Variants in SDK2 observed in about 807,000 individuals in gnomAD.
SDK2 encodes protein sidekick-2.
A neutral mutation model predicts 253.9 loss-of-function variants in SDK2; 105 were observed. That is an observed-to-expected ratio of 0.41 (90% confidence interval 0.35 to 0.49). SDK2 has a LOEUF of 0.49. Among genes scored for constraint, SDK2 ranks in the 20% least tolerant of loss-of-function variants. The pLI is 0.06. For missense variants in SDK2, 2,608 were observed against 3,003.0 expected, an observed-to-expected ratio of 0.87 and a Z score of 3.07; for synonymous variants, 1,249 against 1,234.9, an observed-to-expected ratio of 1.01 and a Z score of -0.24.
At chr17:73,626,996 G>A (rs1420620147) in intron 1 of SDK2, among the ~76,000 whole-genome samples, 1 of 152,138 alleles carries the variant, frequency 6.6e-6, no homozygotes, top group East Asian at 1.9e-4. Flanking sequence ...CCGGGGGGGT[G>A]TAAAATCCAA....
At chr17:73,415,770 T>G in intron 17 of SDK2, 41 bp downstream of exon 17, 226 of 1,519,760 alleles carry the variant, frequency 1.5e-4, no homozygotes, top group Non-Finnish European at 1.8e-4. Flanking sequence ...ATTACACGCA[T>G]GAGCCACCGC....
At chr17:73,472,423 C>A (rs762932776) in intron 2 of SDK2, among the ~76,000 whole-genome samples, 1 of 152,194 alleles carries the variant, frequency 6.6e-6, no homozygotes, top group Non-Finnish European at 1.5e-5. Flanking sequence ...GCCAATGAGG[C>A]CTTTGCTCAG....
In SDK2 at chr17:73,378,121, G is replaced by A. The variant is rs189378565; in HGVS notation, c.4980+1056C>T. 6.6e-5 allele frequency among the ~76,000 whole-genome samples: 10 copies of A among 151,760 alleles called. No homozygotes were observed. The East Asian group carries it at 2.0e-3, about 30-fold the overall frequency. On this transcript the variant is annotated intron_variant, in intron 36 of 44. Transcript: ENST00000392650. ...TAGAAATGATTTTTTTCTTTTTTGA[G>A]ACAGTGTCTTGCTCTGTTACCTGGC... is the stretch of plus-strand genomic sequence containing the variant.
At chr17:73,590,006 G>A (rs770230591) in intron 1 of SDK2, among the ~76,000 whole-genome samples, 3 of 152,214 alleles carry the variant, frequency 2.0e-5, no homozygotes, top group Non-Finnish European at 2.9e-5. Context: ...TCCTTCCCAC[G>A]GCCAGAGGGC....
At chr17:73,560,559 C>T (rs1248887859) in intron 1 of SDK2, among the ~76,000 whole-genome samples, 1 of 152,204 alleles carries the variant, frequency 6.6e-6, no homozygotes, top group Non-Finnish European at 1.5e-5. Flanking sequence ...AGGCTGGTCT[C>T]GAACTCCTGA....
chr17:73,469,116 C>T (rs1171427640), intron 3 of SDK2, among the ~76,000 whole-genome samples: 1 of 152,216 alleles, frequency 6.6e-6, no homozygotes, highest in East Asian at 1.9e-4. Flanking sequence ...AGCCACTGCA[C>T]CTGGCCAGAC....
Position 73,398,200 on chromosome 17 carries a change from A to C in SDK2, c.3204-15T>G. ...GCATGCGGAAGCTGGGGTTGGGGAG[A>C]GATGAGCAAGATGGTAAGGGCAGCT... is the stretch of plus-strand genomic sequence containing the variant. On this transcript the variant is annotated splice_polypyrimidine_tract_variant and intron_variant, in intron 23 of 44. Transcript: ENST00000392650. 1.2e-6 allele frequency: 2 copies of C among 1,606,784 alleles called. No homozygotes were observed. The highest frequency in any genetic ancestry group is 1.7e-6 in the Non-Finnish European group (2 of 1,176,004).
intron 33 of SDK2, among the ~76,000 whole-genome samples, chr17:73,382,012 C>T (rs891278431): frequency 2.0e-5 from 3 of 152,166 alleles, no homozygotes; most frequent in East Asian, 3.8e-4. Flanking sequence ...GTCAGGAGTT[C>T]GAGACCAGCC....
In SDK2 at chr17:73,338,254, T is replaced by C; in HGVS notation, c.*333A>G. On this transcript the variant is annotated 3_prime_UTR_variant, in exon 45 of 45. Coordinates refer to ENST00000392650, the MANE Select transcript of SDK2 (RefSeq NM_001144952.2). This position sits in a 1 kb window ranked among gnomAD's most constrained non-coding sequence, Gnocchi z 5.0. ...CGCCTGCCTGGCGGCCTCCAGTCCT[T>C]AGCCTCCGCTCCCTCTCTCTCTCCA... The C allele has an allele frequency of 2.1e-6, 1 of 467,572 alleles. No homozygotes were observed. The highest frequency in any genetic ancestry group is 4.1e-6 in the Non-Finnish European group (1 of 243,158). The allele number at this position is 467,572 out of a possible 1,614,324, so 29.0% of individuals were successfully genotyped here.
At chr17:73,341,469 C>G (rs76405439) in intron 44 of SDK2, among the ~76,000 whole-genome samples, 1 of 151,992 alleles carries the variant, frequency 6.6e-6, no homozygotes, top group Non-Finnish European at 1.5e-5. Context: ...CCGATTTTAG[C>G]GCACAGCACA....
In SDK2 at chr17:73,379,626, A is replaced by G; in HGVS notation, c.4763-77T>C. The G allele has an allele frequency of 2.3e-6, 2 of 853,154 alleles. No homozygotes were observed. The highest frequency in any genetic ancestry group is 1.6e-5 in the South Asian group (1 of 61,028). The allele number at this position is 853,154 out of a possible 1,614,324, so 52.8% of individuals were successfully genotyped here. On this transcript the variant is annotated intron_variant, in intron 34 of 44. Transcript: ENST00000392650. The surrounding 1 kb of genome is among the most constrained non-coding windows in gnomAD (Gnocchi z 4.5). ...GGGAAGGTGTCCCCAGGGAGGGTGGAGGCTGCAGGGGGAGGAATGAGGCAC... is the reference window on the plus strand; with the variant it reads ...GGGAAGGTGTCCCCAGGGAGGGTGGGGGCTGCAGGGGGAGGAATGAGGCAC...
At chr17:73,346,211 G>GA (rs966595517) in intron 44 of SDK2, among the ~76,000 whole-genome samples, 2,985 of 111,836 alleles carry the variant, frequency 0.027, 96 homozygotes, top group African/African-American at 0.085. Flanking sequence ...TCCGTCTCAA[G>GA]AAAAAAAAAA....
At chr17:73,499,198 A>G (rs2063866526) in intron 2 of SDK2, among the ~76,000 whole-genome samples, 1 of 152,198 alleles carries the variant, frequency 6.6e-6, no homozygotes, top group East Asian at 1.9e-4. Flanking sequence ...GGCCTGGGGA[A>G]TTTCTCTTCA....
At chr17:73,382,744 G>A (rs1476079418) in intron 33 of SDK2, among the ~76,000 whole-genome samples, 3 of 152,246 alleles carry the variant, frequency 2.0e-5, no homozygotes, top group Non-Finnish European at 2.9e-5. Context: ...GCTCGCGCCT[G>A]TAATCCCAGC....
At chr17:73,449,132 G>C (rs1423494394) in intron 4 of SDK2, among the ~76,000 whole-genome samples, 1 of 152,146 alleles carries the variant, frequency 6.6e-6, no homozygotes, top group African/African-American at 2.4e-5. Context: ...TCTTCTGGCA[G>C]GGAAAAGGGG....
intron 44 of SDK2, among the ~76,000 whole-genome samples, chr17:73,347,287 G>A (rs2062492797): frequency 6.6e-6 from 1 of 152,306 alleles, no homozygotes; most frequent in East Asian, 1.9e-4. Flanking sequence ...TTGAACCCAG[G>A]AGGCAGAGGT....
chr17:73,420,370 C>T (rs778196083), intron 15 of SDK2, among the ~76,000 whole-genome samples: 2 of 152,238 alleles, frequency 1.3e-5, no homozygotes, highest in Non-Finnish European at 2.9e-5. Context: ...TTTGCTCTTT[C>T]GCCCAGGCTG....
rs1343588531 is a variant in SDK2, at chr17:73,350,687, C to T, written c.5862G>A (p.Arg1954=). The T allele has an allele frequency of 6.2e-7, 1 of 1,613,462 alleles. No homozygotes were observed. Among genetic ancestry groups the T allele is most frequent in the African/African-American group, 1.3e-5 (1 of 74,826 alleles). Residue 1954 remains arginine (R), a synonymous_variant, in exon 42 of 45, where the codon CGG becomes CGA. Transcript: ENST00000392650. ...ILLLVFVLII[R]GQSKKYAKKT... is the part of the protein sequence containing the mutation. The stretch of plus-strand genomic sequence containing the variant: ...TCTTGGCGTACTTCTTGCTCTGGCC[C>T]CGGATGATGAGCACGAAGACCAGAA...
intron 3 of SDK2, among the ~76,000 whole-genome samples, chr17:73,457,102 G>A (rs1214302475): frequency 1.3e-5 from 2 of 152,172 alleles, no homozygotes; most frequent in African/African-American, 4.8e-5. Context: ...ACTTGACTGT[G>A]TGTCGGAACC....
Sources: gnomAD v4.1 joint callset for allele counts (sites outside exome capture counted in the v4.1 genomes callset) on GRCh38, gnomAD v4.1.1 for gene constraint, Gnocchi (gnomAD v3.1) non-coding constraint, MANE v1.5 for transcripts, NCBI Gene and HGNC (gene_info 2026-07-23, HGNC 2026-07-21) for gene names.